PTPRD: variants seen among roughly 807,000 people sequenced by gnomAD.
PTPRD encodes protein tyrosine phosphatase receptor type D.
In PTPRD, 34 loss-of-function variants were observed where a neutral mutation model predicts 214.5. The observed-to-expected ratio is 0.16, with a 90% confidence interval of 0.12 to 0.21. The LOEUF is 0.21. Among genes scored for constraint, PTPRD ranks in the 10% least tolerant of loss-of-function variants. The pLI, the probability that PTPRD is intolerant of heterozygous loss-of-function variation, is 1.00. For synonymous variants in PTPRD, 1,128 were observed against 845.7 expected, an observed-to-expected ratio of 1.33 and a Z score of -5.79; for missense variants, 2,545 against 2,398.7, an observed-to-expected ratio of 1.06 and a Z score of -1.27.
chr9:9,353,827 G>C (rs935307900), intron 9 of PTPRD, among the ~76,000 whole-genome samples: 3 of 151,894 alleles, frequency 2.0e-5, no homozygotes, highest in African/African-American at 7.2e-5. Flanking sequence ...AATTTCAAAA[G>C]CTCGGGTCTG....
chr9:8,732,055 G>A (rs1200404456), intron 12 of PTPRD, among the ~76,000 whole-genome samples: 2 of 152,142 alleles, frequency 1.3e-5, no homozygotes, highest in African/African-American at 4.8e-5. Context: ...TCTTTTGTAA[G>A]ACTACACAGC....
At chr9:9,725,428 G>A (rs1025690537) in intron 7 of PTPRD, among the ~76,000 whole-genome samples, 5 of 151,820 alleles carry the variant, frequency 3.3e-5, no homozygotes, top group East Asian at 1.9e-4. Context: ...TCCATTAAAC[G>A]TCTTTTTCTT....
chr9:9,833,679 G>A (rs1254119369), intron 5 of PTPRD, among the ~76,000 whole-genome samples: 6 of 94,364 alleles, frequency 6.4e-5, no homozygotes, highest in East Asian at 1.8e-3. Flanking sequence ...GGTACGCTCC[G>A]GAGAGGGGGG....
chr9:9,455,728 G>C (rs902104312), intron 8 of PTPRD, among the ~76,000 whole-genome samples: 5 of 151,672 alleles, frequency 3.3e-5, no homozygotes, highest in African/African-American at 1.2e-4. Context: ...CAAAAGCATG[G>C]AATAGGTTGT....
chr9:8,982,574 A>T (rs1244562805), intron 11 of PTPRD, among the ~76,000 whole-genome samples: 1 of 151,296 alleles, frequency 6.6e-6, no homozygotes. Flanking sequence ...AATATGACCT[A>T]AAGGGAAAGG....
intron 6 of PTPRD, among the ~76,000 whole-genome samples, chr9:9,746,553 C>T (rs2761703): frequency 2.6e-5 from 4 of 152,046 alleles, no homozygotes; most frequent in South Asian, 4.1e-4. Context: ...AATTGTTTCA[C>T]GTAAATATTG....
intron 3 of PTPRD, among the ~76,000 whole-genome samples, chr9:10,277,735 G>T (rs972650845): frequency 1.5e-4 from 23 of 152,118 alleles, no homozygotes; most frequent in African/African-American, 4.6e-4. Flanking sequence ...ACTCTATGTA[G>T]ATCTTACCTC....
rs560415069 is a variant in PTPRD, at chr9:8,322,546, A to G, written c.5535-2580T>C. On this transcript the variant is annotated intron_variant, in intron 44 of 45. Transcript: ENST00000381196. ...CAAGGCCCTAACTCTCTTCAATTCT[A>G]TGAAGGCTGGGAGGTGAGGAGGCTG... Among the ~76,000 whole-genome samples the G allele has an allele frequency of 1.1e-4, 17 of 152,288 alleles. No individual in the cohort carries two copies. The South Asian group carries it at 3.3e-3, about 30-fold the overall frequency.
intron 14 of PTPRD, among the ~76,000 whole-genome samples, chr9:8,568,183 G>T (rs983670768): frequency 6.6e-6 from 1 of 152,074 alleles, no homozygotes; most frequent in Admixed American, 6.6e-5. Flanking sequence ...TTAAATACAA[G>T]TGTTCTATAC....
At chr9:10,325,068 T>C (rs1275676843) in intron 3 of PTPRD, among the ~76,000 whole-genome samples, 1 of 152,076 alleles carries the variant, frequency 6.6e-6, no homozygotes, top group Non-Finnish European at 1.5e-5. Flanking sequence ...CAGGTGGCTC[T>C]AGGTTTCACC....
intron 3 of PTPRD, among the ~76,000 whole-genome samples, chr9:10,062,095 A>G (rs2097786413): frequency 1.3e-5 from 2 of 152,080 alleles, no homozygotes; most frequent in South Asian, 4.1e-4. Context: ...ACAATTTTCA[A>G]CAATCGTATT....
At chr9:8,843,276 C>T (rs2097601864) in intron 11 of PTPRD, among the ~76,000 whole-genome samples, 1 of 152,190 alleles carries the variant, frequency 6.6e-6, no homozygotes, top group Non-Finnish European at 1.5e-5. Context: ...TGTCATTAGG[C>T]AAAATGCACA....
At chr9:9,574,499 A>G (rs1239374050) in intron 8 of PTPRD, among the ~76,000 whole-genome samples, 1 of 152,058 alleles carries the variant, frequency 6.6e-6, no homozygotes, top group Non-Finnish European at 1.5e-5. Flanking sequence ...TTTGCGGGAC[A>G]TGCCTTAAAA....
At chr9:10,317,038 A>G (rs913073303) in intron 3 of PTPRD, among the ~76,000 whole-genome samples, 5 of 151,988 alleles carry the variant, frequency 3.3e-5, no homozygotes, top group East Asian at 3.9e-4. Context: ...AGAGATCCCT[A>G]TTAGTTTGCT....
Position 8,639,955 on chromosome 9 carries a change from G to A in PTPRD, c.65-3111C>T, listed in dbSNP as rs543184381. Among the ~76,000 whole-genome samples, 8 of 152,192 alleles carry A rather than the reference G, an allele frequency of 5.3e-5. No individual in the cohort carries two copies. In the East Asian group the frequency reaches 1.5e-3, roughly 29 times the overall value. ...AGTTTTTTGTTTGTTTTTTGAGACA[G>A]GGTCTTGGTCTGTCATTCAGGCTTC... On this transcript the variant is annotated intron_variant, in intron 12 of 45. Transcript: ENST00000381196.
chr9:9,675,861 G>C (rs1288403246), intron 7 of PTPRD, among the ~76,000 whole-genome samples: 1 of 151,926 alleles, frequency 6.6e-6, no homozygotes, highest in Non-Finnish European at 1.5e-5. Context: ...GGCAAAAATA[G>C]TATGAGAGGA....
At chr9:10,276,580 G>A (rs1025385406) in intron 3 of PTPRD, among the ~76,000 whole-genome samples, 1 of 152,136 alleles carries the variant, frequency 6.6e-6, no homozygotes, top group Non-Finnish European at 1.5e-5. Flanking sequence ...AATATCGAAA[G>A]TCATAGTAGA....
At chr9:9,228,690 G>A (rs1308356939) in intron 9 of PTPRD, among the ~76,000 whole-genome samples, 1 of 152,076 alleles carries the variant, frequency 6.6e-6, no homozygotes, top group Non-Finnish European at 1.5e-5. Context: ...ATCTTACAAT[G>A]TCATAGAGTT....
intron 4 of PTPRD, among the ~76,000 whole-genome samples, chr9:9,957,136 A>C (rs1446615411): frequency 1.3e-5 from 2 of 152,214 alleles, no homozygotes; most frequent in East Asian, 3.8e-4. Context: ...TTTTGACTCC[A>C]CAAAAAATAA....
Sources: gnomAD v4.1 joint callset for allele counts (sites outside exome capture counted in the v4.1 genomes callset) on GRCh38, gnomAD v4.1.1 for gene constraint, MANE v1.5 for transcripts, NCBI Gene and HGNC (gene_info 2026-07-23, HGNC 2026-07-21) for gene names.